Variants in MGMT observed in about 807,000 individuals in gnomAD.
The protein encoded by MGMT is methylated-DNA--protein-cysteine methyltransferase.
In MGMT, 14 loss-of-function variants were observed where a neutral mutation model predicts 15.9. The ratio of observed to expected loss-of-function variants is 0.88; its 90% CI spans 0.58 to 1.37. MGMT has a LOEUF of 1.37. MGMT is among the 40% of genes most tolerant of loss of function. The probability of loss-of-function intolerance (pLI) is 0.00; values close to 1 mark genes in which losing one functional copy is unlikely to be tolerated. For synonymous variants in MGMT, 130 were observed against 118.2 expected (o/e 1.10, Z -0.65); for missense variants, 282 against 268.1 (o/e 1.05, Z -0.36).
intron 1 of MGMT, among the ~76,000 whole-genome samples, chr10:129,521,170 G>A (rs932711060): frequency 2.0e-5 from 3 of 152,146 alleles, no homozygotes; most frequent in Non-Finnish European, 4.4e-5. Context: ...CAGAGCTCAG[G>A]CCCCGCACAT....
chr10:129,703,011 G>A (rs889898416), intron 2 of MGMT, among the ~76,000 whole-genome samples: 1 of 152,202 alleles, frequency 6.6e-6, no homozygotes, highest in Non-Finnish European at 1.5e-5. Context: ...TCATTTTACT[G>A]TAGAAATGGA....
In MGMT at chr10:129,705,088, G is replaced by A. The variant is rs61874312; in HGVS notation, c.126-2807G>A. On this transcript the variant is annotated intron_variant, in intron 2 of 4. Coordinates refer to ENST00000651593, the MANE Select transcript of MGMT (RefSeq NM_002412.5). ...TGCCTCTCCTTAGCTTCTCCCTGCC[G>A]CCCCGTGGGCTTGGTCATGGTGTCA... is the stretch of plus-strand genomic sequence containing the variant. 2.0e-5 allele frequency among the ~76,000 whole-genome samples: 3 copies of A among 152,276 alleles called. No individual in the cohort carries two copies. The South Asian group carries it at 6.2e-4, about 32-fold the overall frequency.
intron 1 of MGMT, among the ~76,000 whole-genome samples, chr10:129,475,305 G>C (rs773457430): frequency 4.6e-5 from 7 of 152,092 alleles, no homozygotes; most frequent in Non-Finnish European, 1.0e-4. Flanking sequence ...TTGTCATCTA[G>C]TTAAAGTCAT....
At chr10:129,484,345 G>A (rs551489418) in intron 1 of MGMT, among the ~76,000 whole-genome samples, 7 of 152,046 alleles carry the variant, frequency 4.6e-5, no homozygotes, top group Non-Finnish European at 8.8e-5. Context: ...TTTAAAAAAC[G>A]TTATTTTCTC....
intron 2 of MGMT, among the ~76,000 whole-genome samples, chr10:129,605,142 T>G (rs926757697): frequency 1.3e-5 from 2 of 152,202 alleles, no homozygotes; most frequent in Non-Finnish European, 2.9e-5. Flanking sequence ...GTGGGAAAGA[T>G]GTTTCAAATG....
chr10:129,699,582 G>A (rs992132678), intron 2 of MGMT, among the ~76,000 whole-genome samples: 6 of 152,060 alleles, frequency 3.9e-5, no homozygotes, highest in Non-Finnish European at 7.4e-5. Context: ...ACCCGTTGGT[G>A]GCCTATAATA....
At chr10:129,760,696 T>A (rs1381706310) in intron 4 of MGMT, among the ~76,000 whole-genome samples, 1 of 152,176 alleles carries the variant, frequency 6.6e-6, no homozygotes, top group Non-Finnish European at 1.5e-5. Context: ...AAAGCAACTC[T>A]GGTAGGTTTG....
At chr10:129,738,476 T>C (rs1191044921) in intron 3 of MGMT, among the ~76,000 whole-genome samples, 1 of 152,156 alleles carries the variant, frequency 6.6e-6, no homozygotes, top group Non-Finnish European at 1.5e-5. Context: ...GTGAGATGAA[T>C]CCGGTACCTC....
intron 2 of MGMT, among the ~76,000 whole-genome samples, chr10:129,584,539 C>G (rs187676585): frequency 5.3e-5 from 8 of 151,892 alleles, no homozygotes; most frequent in Non-Finnish European, 1.2e-4. Context: ...TGCATTTATA[C>G]AGTTGTGTGT....
At chr10:129,684,378 C>T (rs1409890129) in intron 2 of MGMT, among the ~76,000 whole-genome samples, 2 of 152,160 alleles carry the variant, frequency 1.3e-5, no homozygotes, top group Admixed American at 1.3e-4. Context: ...TGCAGGGGGG[C>T]CATCCCAGCA....
At chr10:129,745,959 G>C (rs984244458) in intron 3 of MGMT, among the ~76,000 whole-genome samples, 1 of 151,968 alleles carries the variant, frequency 6.6e-6, no homozygotes, top group Non-Finnish European at 1.5e-5. Flanking sequence ...ACTTTCAGCC[G>C]GGTGCGGAAG....
Position 129,556,543 on chromosome 10 carries a change from C to T in MGMT, c.125+20166C>T, listed in dbSNP as rs1369245068. Among the ~76,000 whole-genome samples the T allele has an allele frequency of 1.3e-5, 2 of 152,190 alleles. No individual in the cohort carries two copies. The highest frequency in any genetic ancestry group is 2.9e-5 in the Non-Finnish European group (2 of 68,044). ...CGTCAGGGCAGCCCTGGCGGAAGAA[C>T]GCAGCCTCGTCGGTGGGTTTGGTGA... On this transcript the variant is annotated intron_variant, in intron 2 of 4. Transcript: ENST00000651593. This position sits in a 1 kb window ranked among gnomAD's most constrained non-coding sequence, Gnocchi z 4.3.
chr10:129,757,770 C>G (rs1848823770), intron 3 of MGMT, among the ~76,000 whole-genome samples: 3 of 152,168 alleles, frequency 2.0e-5, no homozygotes, highest in Admixed American at 6.5e-5. Context: ...CAGCCATCAG[C>G]CGGTAATACA....
intron 2 of MGMT, among the ~76,000 whole-genome samples, chr10:129,650,028 C>G (rs907037089): frequency 6.6e-6 from 1 of 152,160 alleles, no homozygotes; most frequent in Non-Finnish European, 1.5e-5. Context: ...AAAGGTCTCA[C>G]TTGAGAAATA....
At chr10:129,732,691 A>G (rs955861927) in intron 3 of MGMT, among the ~76,000 whole-genome samples, 3 of 144,262 alleles carry the variant, frequency 2.1e-5, no homozygotes, top group Non-Finnish European at 4.6e-5. Context: ...ATATCTCCCA[A>G]TGCTATCCCT....
intron 2 of MGMT, among the ~76,000 whole-genome samples, chr10:129,620,472 G>C (rs937636043): frequency 4.6e-5 from 7 of 152,114 alleles, no homozygotes; most frequent in African/African-American, 1.7e-4. Flanking sequence ...TTTCCCCTTT[G>C]GTTCTGTCAA....
At chr10:129,646,337 G>T (rs942180590) in intron 2 of MGMT, among the ~76,000 whole-genome samples, 1 of 152,120 alleles carries the variant, frequency 6.6e-6, no homozygotes, top group Non-Finnish European at 1.5e-5. Flanking sequence ...GAGTAAGTAT[G>T]TAGAACCTTC....
chr10:129,647,205 G>T (rs530883436), intron 2 of MGMT, among the ~76,000 whole-genome samples: 6 of 152,144 alleles, frequency 3.9e-5, no homozygotes, highest in African/African-American at 1.4e-4. Context: ...AATGGTGGTC[G>T]CTCTCATTAG....
intron 2 of MGMT, among the ~76,000 whole-genome samples, chr10:129,619,286 T>C (rs909360309): frequency 6.6e-6 from 1 of 152,186 alleles, no homozygotes; most frequent in African/African-American, 2.4e-5. Flanking sequence ...CAACAAACCT[T>C]GCTTGTCTTT....
Sources: gnomAD v4.1 joint callset for allele counts (sites outside exome capture counted in the v4.1 genomes callset) on GRCh38, gnomAD v4.1.1 for gene constraint, Gnocchi (gnomAD v3.1) non-coding constraint, MANE v1.5 for transcripts, NCBI Gene and HGNC (gene_info 2026-07-23, HGNC 2026-07-21) for gene names.